EVI5: variants seen among roughly 807,000 people sequenced by gnomAD.
The protein encoded by EVI5 is ecotropic viral integration site 5.
A neutral mutation model predicts 112.0 loss-of-function variants in EVI5; 73 were observed. That is an observed-to-expected ratio of 0.65 (90% CI 0.54 to 0.79). The LOEUF (loss-of-function observed/expected upper bound fraction) is 0.79, where lower values mean the gene tolerates loss of function less well. Among genes scored for constraint, EVI5 ranks in the 30% least tolerant of loss-of-function variants. EVI5 has a pLI of 0.00. For synonymous variants in EVI5, 305 were observed against 319.9 expected, an observed-to-expected ratio of 0.95 and a Z score of 0.50; for missense variants, 900 against 968.8, an observed-to-expected ratio of 0.93 and a Z score of 0.94.
intron 1 of EVI5, chr1:92,756,677 TCAAA>T: frequency 8.0e-6 from 4 of 501,404 alleles, no homozygotes; most frequent in Admixed American, 4.1e-5. Context: ...CCTCAGCATG[TCAAA>T]CAGTCACATA....
chr1:92,710,935 G>A (rs890472081), intron 2 of EVI5, among the ~76,000 whole-genome samples: 5 of 152,088 alleles, frequency 3.3e-5, no homozygotes, highest in Admixed American at 2.0e-4. Context: ...GAACAGCCTC[G>A]GTCTTATCTT....
chr1:92,651,940 C>T (rs937681898), intron 13 of EVI5, among the ~76,000 whole-genome samples: 1 of 151,452 alleles, frequency 6.6e-6, no homozygotes, highest in Non-Finnish European at 1.5e-5. Context: ...AAGTCTGACA[C>T]AACCTCAAAA....
intron 9 of EVI5, among the ~76,000 whole-genome samples, chr1:92,685,266 A>G (rs1026957773): frequency 2.0e-5 from 3 of 152,194 alleles, no homozygotes; most frequent in Non-Finnish European, 4.4e-5. Flanking sequence ...CAAAACGCAC[A>G]ACTATATGGA....
rs529054759 is a variant in EVI5 at position 92,779,473 on chromosome 1, G to C, written c.-82+5363C>G. Among the ~76,000 whole-genome samples, 6 of 151,336 alleles carry C rather than the reference G, an allele frequency of 4.0e-5. No individual in the cohort carries two copies. In the South Asian group the frequency reaches 1.0e-3, roughly 26 times the overall value. On this transcript the variant is annotated intron_variant, in intron 1 of 19. Coordinates refer to ENST00000684568, the MANE Select transcript of EVI5 (RefSeq NM_001350197.2). ...GAAGATGGTGGCTGCAGTGAGCCGA[G>C]ATCACGCCACTGCACTCTAGCCTGG...
At chr1:92,706,209 A>C (rs1192842505) in intron 2 of EVI5, among the ~76,000 whole-genome samples, 3 of 152,166 alleles carry the variant, frequency 2.0e-5, no homozygotes, top group African/African-American at 7.2e-5. Flanking sequence ...ACTTGAAAAA[A>C]ATTATTTCAG....
At chr1:92,551,128 AACC>A (rs1666873363) in intron 19 of EVI5, among the ~76,000 whole-genome samples, 2 of 131,530 alleles carry the variant, frequency 1.5e-5, no homozygotes, top group South Asian at 4.9e-4. Context: ...CTGCAACCTC[AACC>A]TCCTGGGTCA....
At chr1:92,546,425 G>A (rs776898898) in intron 19 of EVI5, among the ~76,000 whole-genome samples, 12 of 152,146 alleles carry the variant, frequency 7.9e-5, no homozygotes, top group African/African-American at 1.9e-4. Flanking sequence ...TAGGCTGGGC[G>A]CGGTGGTTCA....
chr1:92,667,953 A>G (rs1403232851), intron 10 of EVI5, among the ~76,000 whole-genome samples: 2 of 152,166 alleles, frequency 1.3e-5, no homozygotes, highest in African/African-American at 4.8e-5. Flanking sequence ...AATTTGTTCC[A>G]GAACTCAATC....
intron 18 of EVI5, among the ~76,000 whole-genome samples, chr1:92,603,958 A>G (rs1328185790): frequency 6.6e-6 from 1 of 151,908 alleles, no homozygotes; most frequent in Non-Finnish European, 1.5e-5. Context: ...GTTGGTTTCA[A>G]ACTCTTGGGC....
intron 2 of EVI5, among the ~76,000 whole-genome samples, chr1:92,722,311 T>C (rs1034900513): frequency 2.0e-5 from 3 of 152,182 alleles, no homozygotes; most frequent in African/African-American, 7.2e-5. Flanking sequence ...ATATCTTTTT[T>C]TTAAATTTTA....
At chr1:92,691,166 T>C (rs1337593650) in intron 9 of EVI5, among the ~76,000 whole-genome samples, 1 of 152,212 alleles carries the variant, frequency 6.6e-6, no homozygotes, top group Non-Finnish European at 1.5e-5. Context: ...AAAGACATTT[T>C]TGGCACAACT....
At chr1:92,561,393 C>T (rs190584235) in intron 19 of EVI5, among the ~76,000 whole-genome samples, 1 of 151,972 alleles carries the variant, frequency 6.6e-6, no homozygotes, top group Non-Finnish European at 1.5e-5. Context: ...TAAATCTGCA[C>T]AATCTAGCTT....
rs1446102688 is a variant in EVI5 at position 92,695,447 on chromosome 1, G to A, written c.772C>T (p.Leu258Phe). The part of the protein sequence containing the change: ...YQFECMIQEH[L>F]PELFVHFQSQ... ...TGAAAATGTACAAAGAGCTCTGGAAGATGCTCCTAAAGAGAAGAAAATAAT... is the reference window on the plus strand; with the variant it reads ...TGAAAATGTACAAAGAGCTCTGGAAAATGCTCCTAAAGAGAAGAAAATAAT... Residue 258 changes from leucine (L) to phenylalanine (F), a missense_variant, in exon 7 of 20, where the codon CTT becomes TTT. Transcript: ENST00000684568. The A allele has an allele frequency of 1.0e-5, 16 of 1,596,044 alleles. No homozygotes were observed. Among genetic ancestry groups the A allele is most frequent in the Non-Finnish European group, 1.3e-5 (15 of 1,167,618 alleles).
At chr1:92,660,846 T>C (rs996772178) in intron 13 of EVI5, among the ~76,000 whole-genome samples, 1 of 152,010 alleles carries the variant, frequency 6.6e-6, no homozygotes, top group South Asian at 2.1e-4. Flanking sequence ...AGAAATATTA[T>C]TTGTTTTGAT....
At chr1:92,785,602 T>C (rs531327612), upstream of EVI5, among the ~76,000 whole-genome samples, 5 of 152,308 alleles carry the variant, frequency 3.3e-5, no homozygotes, top group African/African-American at 9.6e-5. Flanking sequence ...TTATGCAGAC[T>C]ACTGCAGGGG....
intron 18 of EVI5, among the ~76,000 whole-genome samples, chr1:92,589,472 T>C (rs6691038): frequency 0.92 from 139,345 of 152,228 alleles, 63,866 homozygotes; most frequent in East Asian, 0.97. Flanking sequence ...GATTGTATCC[T>C]GTGCCTGGCT....
At chr1:92,628,129 CTTCTT>C (rs1276909393) in intron 14 of EVI5, among the ~76,000 whole-genome samples, 2 of 152,172 alleles carry the variant, frequency 1.3e-5, no homozygotes, top group Admixed American at 1.3e-4. Flanking sequence ...ATTTGTATAT[CTTCTT>C]TTGAGAATTG....
intron 18 of EVI5, among the ~76,000 whole-genome samples, chr1:92,582,284 C>T (rs547104267): frequency 1.3e-5 from 2 of 152,156 alleles, no homozygotes; most frequent in East Asian, 3.9e-4. Flanking sequence ...TGTGGTCCAT[C>T]GTTGACTGAA....
chr1:92,685,318 A>T (rs757707729), intron 9 of EVI5, among the ~76,000 whole-genome samples: 17 of 152,174 alleles, frequency 1.1e-4, no homozygotes, highest in Non-Finnish European at 2.1e-4. Context: ...GGTACATAAC[A>T]AAATGAAGGC....
Sources: allele counts gnomAD v4.1 joint callset (sites outside exome capture counted in the v4.1 genomes callset), GRCh38; gene constraint gnomAD v4.1.1; transcripts MANE v1.5; gene names NCBI Gene and HGNC (gene_info 2026-07-23, HGNC 2026-07-21).